The following STK32B variants were observed in gnomAD, a reference collection of about 807,000 sequenced individuals.
The protein encoded by STK32B is serine/threonine kinase 32B, also known as serine/threonine-protein kinase 32B.
Under a neutral mutation model 52.6 loss-of-function variants are expected in STK32B, and 43 were observed. The ratio of observed to expected loss-of-function variants is 0.82; its 90% CI spans 0.64 to 1.05. STK32B has a LOEUF of 1.05. Ranked by LOEUF, STK32B falls within the 50% of genes least tolerant of loss-of-function variation. The pLI, the probability that STK32B is intolerant of heterozygous loss-of-function variation, is 0.00. For synonymous variants in STK32B, 238 were observed against 204.3 expected, an observed-to-expected ratio of 1.17 and a Z score of -1.41; for missense variants, 621 against 534.6, an observed-to-expected ratio of 1.16 and a Z score of -1.59.
intron 1 of STK32B, among the ~76,000 whole-genome samples, chr4:5,101,912 T>C (rs1037402085): frequency 2.0e-5 from 3 of 152,216 alleles, no homozygotes; most frequent in African/African-American, 7.2e-5. Flanking sequence ...GTTAATTCTT[T>C]CCACAGATAT....
At chr4:5,286,831 T>C in intron 3 of STK32B, among the ~76,000 whole-genome samples, 1 of 142,240 alleles carries the variant, frequency 7.0e-6, no homozygotes, top group Middle Eastern at 3.3e-3. Flanking sequence ...GGAGTTTCGC[T>C]CTTTCACCAA....
At chr4:5,424,593 C>T (rs952744831) in intron 6 of STK32B, among the ~76,000 whole-genome samples, 4 of 152,208 alleles carry the variant, frequency 2.6e-5, no homozygotes, top group Non-Finnish European at 5.9e-5. Flanking sequence ...GAACAGACAT[C>T]TGCACAATCT....
At chr4:5,497,342 A>G (rs921211536) in intron 11 of STK32B, among the ~76,000 whole-genome samples, 21 of 152,244 alleles carry the variant, frequency 1.4e-4, no homozygotes, top group African/African-American at 5.1e-4. Context: ...GACAGAAAAT[A>G]AACTATATAT....
chr4:5,071,061 T>C (rs562715732), intron 1 of STK32B, among the ~76,000 whole-genome samples: 37 of 152,230 alleles, frequency 2.4e-4, no homozygotes, highest in African/African-American at 8.2e-4. Context: ...CCCTCCTGAG[T>C]GCAGAATGCT....
At chr4:5,052,423 C>T (rs1489343040) in intron 1 of STK32B, among the ~76,000 whole-genome samples, 1 of 152,112 alleles carries the variant, frequency 6.6e-6, no homozygotes, top group South Asian at 2.1e-4. Context: ...GGAAACTTTT[C>T]TTTGCTAAAC....
chr4:5,472,559 G>C (rs1717925816), intron 11 of STK32B, among the ~76,000 whole-genome samples: 3 of 152,178 alleles, frequency 2.0e-5, no homozygotes, highest in African/African-American at 4.8e-5. Context: ...CTTGGCCAAA[G>C]ATCTGAGCAG....
intron 1 of STK32B, among the ~76,000 whole-genome samples, chr4:5,126,588 G>A (rs1230210408): frequency 6.6e-6 from 1 of 152,224 alleles, no homozygotes; most frequent in African/African-American, 2.4e-5. Context: ...GAAATAAAAA[G>A]ATATTTTGGA....
At chr4:5,210,229 T>C (rs1195402473) in intron 3 of STK32B, among the ~76,000 whole-genome samples, 2 of 152,066 alleles carry the variant, frequency 1.3e-5, no homozygotes, top group Admixed American at 6.6e-5. Flanking sequence ...CTCCTCCTCC[T>C]CCTCTTTCTT....
chr4:5,095,776 G>A (rs1713355431), intron 1 of STK32B, among the ~76,000 whole-genome samples: 1 of 152,172 alleles, frequency 6.6e-6, no homozygotes, highest in Non-Finnish European at 1.5e-5. Context: ...GTGATTAGAA[G>A]TCTCTGTGGC....
chr4:5,128,922 C>T (rs769848819), intron 1 of STK32B, among the ~76,000 whole-genome samples: 2 of 152,190 alleles, frequency 1.3e-5, no homozygotes, highest in African/African-American at 4.8e-5. Context: ...TGGGGTAAAA[C>T]GTCACCTTCA....
intron 3 of STK32B, among the ~76,000 whole-genome samples, chr4:5,206,188 G>A (rs1210636892): frequency 6.6e-6 from 1 of 152,098 alleles, no homozygotes; most frequent in Non-Finnish European, 1.5e-5. Context: ...CAGCAAAAAG[G>A]CAAAAACCAC....
At chr4:5,401,657 A>C (rs185434321) in intron 5 of STK32B, among the ~76,000 whole-genome samples, 1 of 152,368 alleles carries the variant, frequency 6.6e-6, no homozygotes, top group East Asian at 1.9e-4. Flanking sequence ...ACAGCATCTC[A>C]GAACAAGGCA....
chr4:5,360,952 C>T (rs914929298), intron 4 of STK32B, among the ~76,000 whole-genome samples: 1 of 152,192 alleles, frequency 6.6e-6, no homozygotes, highest in Non-Finnish European at 1.5e-5. Flanking sequence ...TTTTGCAAAA[C>T]CGAAATTCTG....
chr4:5,438,955 G>GTATTCC (rs933216853), intron 6 of STK32B, among the ~76,000 whole-genome samples: 5 of 151,774 alleles, frequency 3.3e-5, no homozygotes, highest in Non-Finnish European at 7.4e-5. Context: ...TGGCTGCATA[G>GTATTCC]TATTCCATGG....
chr4:5,102,476 C>G (rs1713848114), intron 1 of STK32B, among the ~76,000 whole-genome samples: 2 of 134,518 alleles, frequency 1.5e-5, no homozygotes, highest in African/African-American at 2.8e-5. Context: ...TTCCTTCCTT[C>G]CTTCCTTCCT....
intron 3 of STK32B, among the ~76,000 whole-genome samples, chr4:5,306,061 T>A (rs956631334): frequency 6.6e-6 from 1 of 152,140 alleles, no homozygotes; most frequent in East Asian, 1.9e-4. Context: ...CACTGCAATC[T>A]GAGAGAGTCC....
chr4:5,108,892 C>T (rs574354588), intron 1 of STK32B, among the ~76,000 whole-genome samples: 31 of 152,252 alleles, frequency 2.0e-4, no homozygotes, highest in African/African-American at 6.3e-4. Flanking sequence ...AGAATAGTTA[C>T]GTTACATCTG....
At chr4:5,069,361 T>C (rs1485282266) in intron 1 of STK32B, among the ~76,000 whole-genome samples, 2 of 152,112 alleles carry the variant, frequency 1.3e-5, no homozygotes, top group East Asian at 1.9e-4. Flanking sequence ...CAGCATGTGC[T>C]CTTTTAGGCA....
At chr4:5,419,700 C>T (rs1712464926) in intron 6 of STK32B, among the ~76,000 whole-genome samples, 1 of 152,160 alleles carries the variant, frequency 6.6e-6, no homozygotes, top group Admixed American at 6.5e-5. Flanking sequence ...CTGCTACCCA[C>T]CTGTATTTTG....
Sources: allele counts gnomAD v4.1 joint callset (sites outside exome capture counted in the v4.1 genomes callset), GRCh38; gene constraint gnomAD v4.1.1; transcripts MANE v1.5; gene names NCBI Gene and HGNC (gene_info 2026-07-23, HGNC 2026-07-21).